Variants in FBXW7 observed in about 807,000 individuals in gnomAD.
The protein encoded by FBXW7 is F-box and WD repeat domain containing 7.
Under a neutral mutation model 86.3 loss-of-function variants are expected in FBXW7, and 11 were observed. The observed-to-expected ratio is 0.13, with a 90% confidence interval of 0.08 to 0.21. FBXW7 has a LOEUF of 0.21. FBXW7 is among the 10% of genes least tolerant of loss of function. FBXW7 has a pLI of 1.00. For missense variants in FBXW7, 488 were observed against 847.4 expected (o/e 0.58, Z 5.27); for synonymous variants, 313 against 297.9 (o/e 1.05, Z -0.52).
chr4:152,464,675 AC>A (rs1411680647), intron 2 of FBXW7, among the ~76,000 whole-genome samples: 10 of 152,230 alleles, frequency 6.6e-5, no homozygotes, highest in African/African-American at 2.2e-4. Context: ...GAAGAAATGA[AC>A]AGTTGTAATT....
chr4:152,368,675 G>A (rs1004659003), intron 4 of FBXW7, among the ~76,000 whole-genome samples: 8 of 151,988 alleles, frequency 5.3e-5, no homozygotes, highest in Admixed American at 3.3e-4. Flanking sequence ...TAGGAAAATG[G>A]TGTCAGAACT....
intron 2 of FBXW7, among the ~76,000 whole-genome samples, chr4:152,429,205 A>C (rs542750820): frequency 6.6e-6 from 1 of 152,110 alleles, no homozygotes; most frequent in Non-Finnish European, 1.5e-5. Flanking sequence ...AAAAGAGAAC[A>C]CTTTAGAAAG....
intron 4 of FBXW7, among the ~76,000 whole-genome samples, chr4:152,356,296 C>G (rs1033255858): frequency 6.6e-6 from 1 of 152,124 alleles, no homozygotes; most frequent in African/African-American, 2.4e-5. Flanking sequence ...AAGCAAATAT[C>G]AGAAACCACA....
chr4:152,459,188 C>T (rs1322429270), intron 2 of FBXW7, among the ~76,000 whole-genome samples: 1 of 152,102 alleles, frequency 6.6e-6, no homozygotes. Context: ...ACTTTACTAC[C>T]GACACCAGCA....
At chr4:152,508,053 C>T (rs1012689174) in intron 2 of FBXW7, among the ~76,000 whole-genome samples, 1 of 151,444 alleles carries the variant, frequency 6.6e-6, no homozygotes, top group African/African-American at 2.4e-5. Flanking sequence ...CTGAGTGACA[C>T]AGCAGGACCC....
At chr4:152,387,935 C>T (rs939206069) in intron 4 of FBXW7, among the ~76,000 whole-genome samples, 1 of 152,000 alleles carries the variant, frequency 6.6e-6, no homozygotes, top group African/African-American at 2.4e-5. Context: ...GTCTCGAACT[C>T]CTGACCTTGT....
intron 6 of FBXW7, among the ~76,000 whole-genome samples, chr4:152,344,771 T>C (rs1052117914): frequency 7.2e-5 from 11 of 152,072 alleles, no homozygotes; most frequent in Non-Finnish European, 1.6e-4. Context: ...AATTGAGAAA[T>C]ATCCTAGATA....
At chr4:152,386,620 C>A (rs1735547827) in intron 4 of FBXW7, among the ~76,000 whole-genome samples, 1 of 151,964 alleles carries the variant, frequency 6.6e-6, no homozygotes, top group Non-Finnish European at 1.5e-5. Context: ...AGAAAGACTT[C>A]TATAATTCTG....
At chr4:152,352,579 T>C (rs906259028) in intron 4 of FBXW7, 3 of 1,613,788 alleles carry the variant, frequency 1.9e-6, no homozygotes, top group Non-Finnish European at 2.5e-6. Flanking sequence ...TCTCTGACAA[T>C]ATAAACCTTT....
intron 2 of FBXW7, among the ~76,000 whole-genome samples, chr4:152,443,942 A>C (rs1006189673): frequency 2.0e-5 from 3 of 152,228 alleles, no homozygotes; most frequent in Non-Finnish European, 4.4e-5. Context: ...GAAATATTTC[A>C]AATTATCCAT....
intron 4 of FBXW7, among the ~76,000 whole-genome samples, chr4:152,405,496 TG>T (rs994790855): frequency 7.2e-5 from 11 of 152,202 alleles, no homozygotes; most frequent in African/African-American, 2.2e-4. Context: ...CATTTAGGTT[TG>T]GCTTTATCAG....
At chr4:152,342,890 T>G (rs536871836) in intron 6 of FBXW7, among the ~76,000 whole-genome samples, 1 of 152,362 alleles carries the variant, frequency 6.6e-6, no homozygotes, top group South Asian at 2.1e-4. Context: ...GCTAAATACA[T>G]GACTTTCTTC....
chr4:152,449,490 A>C (rs767688901), intron 2 of FBXW7, among the ~76,000 whole-genome samples: 5 of 152,200 alleles, frequency 3.3e-5, no homozygotes, highest in African/African-American at 4.8e-5. Flanking sequence ...ATAATGATGT[A>C]ATAAACAAGC....
intron 4 of FBXW7, among the ~76,000 whole-genome samples, chr4:152,371,171 G>A (rs1024183888): frequency 2.6e-5 from 4 of 151,602 alleles, no homozygotes; most frequent in Non-Finnish European, 5.9e-5. Context: ...TATATCTACT[G>A]TTATTTATAC....
intron 2 of FBXW7, among the ~76,000 whole-genome samples, chr4:152,435,823 T>A (rs1300184167): frequency 2.0e-5 from 3 of 152,232 alleles, no homozygotes; most frequent in Non-Finnish European, 4.4e-5. Context: ...GGTAACTTCA[T>A]GTCTCTGTAT....
intron 4 of FBXW7, among the ~76,000 whole-genome samples, chr4:152,385,412 TC>T (rs1735444219): frequency 6.6e-6 from 1 of 151,982 alleles, no homozygotes; most frequent in African/African-American, 2.4e-5. Context: ...CTCAAAGAAC[TC>T]TAAAGTCACA....
At chr4:152,445,577 T>G (rs1020442385) in intron 2 of FBXW7, among the ~76,000 whole-genome samples, 1 of 152,108 alleles carries the variant, frequency 6.6e-6, no homozygotes, top group East Asian at 1.9e-4. Flanking sequence ...AAATAATCAT[T>G]AGAGTCTTTC....
chr4:152,352,358 C>G (rs1172457172), intron 4 of FBXW7: 8 of 1,329,602 alleles, frequency 6.0e-6, no homozygotes, highest in African/African-American at 2.9e-5. Context: ...AGACATCCAG[C>G]CACCCACCAA....
chr4:152,352,599 G>A (rs1731926881), intron 4 of FBXW7: 1 of 1,613,860 alleles, frequency 6.2e-7, no homozygotes, highest in South Asian at 1.1e-5. Context: ...TTTCAGGTAG[G>A]TATGTCACAG....
Sources: allele counts gnomAD v4.1 joint callset (sites outside exome capture counted in the v4.1 genomes callset), GRCh38; gene constraint gnomAD v4.1.1; transcripts MANE v1.5; gene names NCBI Gene and HGNC (gene_info 2026-07-23, HGNC 2026-07-21).